Variants in TRAPPC9 observed in about 807,000 individuals in gnomAD.
The protein encoded by TRAPPC9 is IKK2 binding protein.
In TRAPPC9, 83 loss-of-function variants were observed where a neutral mutation model predicts 124.0. The observed-to-expected ratio is 0.67, with a 90% CI of 0.56 to 0.80. The LOEUF (loss-of-function observed/expected upper bound fraction) is 0.80. Ranked by LOEUF, TRAPPC9 falls within the 30% of genes least tolerant of loss-of-function variation. TRAPPC9 has a pLI of 0.00. For synonymous variants in TRAPPC9, 638 were observed against 617.5 expected (o/e 1.03, Z -0.49); for missense variants, 1,302 against 1,508.3 (o/e 0.86, Z 2.27).
intron 19 of TRAPPC9, among the ~76,000 whole-genome samples, chr8:139,935,191 C>A (rs1451321329): frequency 6.6e-6 from 1 of 152,140 alleles, no homozygotes; most frequent in African/African-American, 2.4e-5. Flanking sequence ...GACCTTCTGT[C>A]CTAGAACCCC....
At chr8:140,284,180 C>A (rs761627371) in intron 13 of TRAPPC9, among the ~76,000 whole-genome samples, 159 bp from the exon 14 acceptor site, 2 of 152,198 alleles carry the variant, frequency 1.3e-5, no homozygotes, top group Non-Finnish European at 2.9e-5. Flanking sequence ...CGCCCTCAAC[C>A]CCACGACCCT....
rs1586741874 is a variant in TRAPPC9, at chr8:139,742,109, C to T, written c.3056-9907G>A. Among the ~76,000 whole-genome samples, 2 of 152,350 alleles carry T rather than the reference C, an allele frequency of 1.3e-5. No homozygotes were observed. Among genetic ancestry groups the T allele is most frequent in the South Asian group, 2.1e-4 (1 of 4,824 alleles). On this transcript the variant is annotated intron_variant, in intron 21 of 22. Transcript: ENST00000438773. This position sits in a 1 kb window ranked among gnomAD's most constrained non-coding sequence, Gnocchi z 4.7. Reference sequence around the variant, plus strand: ...GGAAGCACCAGACTGTTTTCCAAGGCGGCTGCACCCCCATTCCCAGCGGCG... The same window carrying T: ...GGAAGCACCAGACTGTTTTCCAAGGTGGCTGCACCCCCATTCCCAGCGGCG...
Position 140,451,286 on chromosome 8 carries a change from T to A in TRAPPC9, c.88A>T (p.Asn30Tyr), listed in dbSNP as rs1329682920. ...ATCCTCTTATAGATCCTGAAGAAGT[T>A]CTCCTCGGAGACGATGCCCACAGGC... ...VQPVGIVSEE[N>Y]FFRIYKRICS... The change falls in exon 2 of 23, where the codon AAC (asparagine) becomes TAC (tyrosine). Residue 30 changes from asparagine (N) to tyrosine (Y), a missense_variant. Asn to Tyr is a moderately radical substitution (Grantham distance 143). Around this residue, in one of 3 missense-constraint regions of TRAPPC9, gnomAD observed 657 missense variants for 811.2 expected, o/e 0.81. Coordinates refer to ENST00000438773, the MANE Select transcript of TRAPPC9 (RefSeq NM_001160372.4). 11 of 1,611,040 alleles carry A rather than the reference T, an allele frequency of 6.8e-6. No individual in the cohort carries two copies. The highest frequency in any genetic ancestry group is 9.3e-6 in the Non-Finnish European group (11 of 1,179,974).
At chr8:139,733,779 T>C (rs1817987244) in intron 21 of TRAPPC9, among the ~76,000 whole-genome samples, 1 of 152,332 alleles carries the variant, frequency 6.6e-6, no homozygotes, top group South Asian at 2.1e-4. Flanking sequence ...CAGCGGAGGA[T>C]CCTGGAAACA....
At chr8:140,315,186 T>C (rs1434455755) in intron 9 of TRAPPC9, among the ~76,000 whole-genome samples, 1 of 151,980 alleles carries the variant, frequency 6.6e-6, no homozygotes, top group Non-Finnish European at 1.5e-5. Context: ...CCCTGATGAT[T>C]AGTGATGTTA....
At chr8:140,365,425 C>T (rs1455806641) in intron 8 of TRAPPC9, among the ~76,000 whole-genome samples, 2 of 152,220 alleles carry the variant, frequency 1.3e-5, no homozygotes, top group African/African-American at 4.8e-5. Context: ...AATGAGGTTA[C>T]GCATGTGAAG....
At chr8:140,150,817 G>C (rs935969689) in intron 17 of TRAPPC9, among the ~76,000 whole-genome samples, 26 of 107,002 alleles carry the variant, frequency 2.4e-4, no homozygotes, top group African/African-American at 9.0e-4. Flanking sequence ...TCCAGGCTCG[G>C]CCACCCCTCT....
intron 21 of TRAPPC9, among the ~76,000 whole-genome samples, chr8:139,826,740 G>A (rs1017713061): frequency 1.3e-5 from 2 of 152,202 alleles, no homozygotes; most frequent in African/African-American, 4.8e-5. Context: ...GAAAAGCAAG[G>A]TTGGAAGGGA....
At chr8:140,235,856 G>T (rs2063717488) in intron 16 of TRAPPC9, among the ~76,000 whole-genome samples, 1 of 152,092 alleles carries the variant, frequency 6.6e-6, no homozygotes, top group African/African-American at 2.4e-5. Context: ...TTCATCACAA[G>T]TATAATGAAT....
chr8:140,036,258 G>T (rs1424329896), intron 17 of TRAPPC9, among the ~76,000 whole-genome samples: 1 of 152,090 alleles, frequency 6.6e-6, no homozygotes, highest in Non-Finnish European at 1.5e-5. Flanking sequence ...GCTGCAACAT[G>T]GAAGACAGAC....
intron 21 of TRAPPC9, among the ~76,000 whole-genome samples, chr8:139,780,467 C>T (rs1001471478): frequency 8.5e-5 from 13 of 152,168 alleles, no homozygotes; most frequent in African/African-American, 3.1e-4. Context: ...AACAACTGGA[C>T]ATCCACATAC....
At chr8:140,017,274 C>T (rs555062136) in intron 18 of TRAPPC9, among the ~76,000 whole-genome samples, 12 of 152,122 alleles carry the variant, frequency 7.9e-5, no homozygotes, top group African/African-American at 2.7e-4. Flanking sequence ...TAGCAGTTTC[C>T]GGCCCCATCT....
intron 21 of TRAPPC9, among the ~76,000 whole-genome samples, chr8:139,885,546 A>G (rs1047066239): frequency 6.6e-6 from 1 of 152,128 alleles, no homozygotes; most frequent in African/African-American, 2.4e-5. Flanking sequence ...GTCAATTGCC[A>G]TTTCGGAAGA....
intron 17 of TRAPPC9, among the ~76,000 whole-genome samples, chr8:140,116,298 A>T (rs778327166): frequency 6.6e-6 from 1 of 152,158 alleles, no homozygotes; most frequent in Non-Finnish European, 1.5e-5. Flanking sequence ...GACAGGGTTT[A>T]TTTTGCACCT....
chr8:140,058,683 C>G (rs1842422189), intron 17 of TRAPPC9, among the ~76,000 whole-genome samples: 1 of 152,158 alleles, frequency 6.6e-6, no homozygotes, highest in Non-Finnish European at 1.5e-5. Flanking sequence ...CCAGGGTTGC[C>G]AAGAAGGCCT....
intron 17 of TRAPPC9, among the ~76,000 whole-genome samples, chr8:140,132,057 C>T (rs116116169): frequency 0.021 from 3,134 of 152,302 alleles, 116 homozygotes; most frequent in African/African-American, 0.072. Flanking sequence ...CCCTGCTCTC[C>T]GGATCCTCCC....
chr8:140,282,878 T>C (rs1297160770), intron 14 of TRAPPC9, among the ~76,000 whole-genome samples: 1 of 152,238 alleles, frequency 6.6e-6, no homozygotes, highest in African/African-American at 2.4e-5. Flanking sequence ...GATTTCTTTT[T>C]CTTTCTTTTT....
intron 17 of TRAPPC9, among the ~76,000 whole-genome samples, chr8:140,091,870 A>C (rs1844587050): frequency 6.6e-6 from 1 of 152,152 alleles, no homozygotes; most frequent in South Asian, 2.1e-4. Flanking sequence ...CTGGGGACAG[A>C]GGCCAACCCC....
At position 140,351,377 on chromosome 8, in the gene TRAPPC9, T is replaced by C. The variant is rs538895932; in HGVS notation, c.1495+8673A>G. On this transcript the variant is annotated intron_variant, in intron 9 of 22. Transcript: ENST00000438773. The stretch of plus-strand genomic sequence containing the variant: ...TGCATCTGTGCTGAACGTGTGTAGT[T>C]TTTTTTTTTCCTTCCCTAAACAATG... Among the ~76,000 whole-genome samples, 23 of 99,740 alleles carry C rather than the reference T, an allele frequency of 2.3e-4. No homozygotes were observed. The East Asian group carries it at 0.038, about 164-fold the overall frequency. The allele number at this position is 99,740 out of a possible 152,430, so 65.4% of individuals were successfully genotyped here.
Sources: gnomAD v4.1 joint callset for allele counts (sites outside exome capture counted in the v4.1 genomes callset) on GRCh38, gnomAD v4.1.1 for gene constraint, gnomAD v4.1.1 regional missense constraint, Gnocchi (gnomAD v3.1) non-coding constraint, MANE v1.5 for transcripts, NCBI Gene and HGNC (gene_info 2026-07-23, HGNC 2026-07-21) for gene names.